Variants in ZNF676 observed in about 807,000 individuals in gnomAD.
The protein encoded by ZNF676 is zinc finger protein 676.
ZNF676 carries 4 observed loss-of-function variants against 6.0 expected under a neutral mutation model. The ratio of observed to expected loss-of-function variants is 0.67; its 90% CI spans 0.33 to 1.53. The LOEUF (loss-of-function observed/expected upper bound fraction) is 1.53, where lower values mean the gene tolerates loss of function less well. ZNF676 is among the 40% of genes most tolerant of loss of function. ZNF676 has a pLI of 0.06. For synonymous variants in ZNF676, 198 were observed against 223.1 expected, an observed-to-expected ratio of 0.89 and a Z score of 1.00; for missense variants, 644 against 679.7, an observed-to-expected ratio of 0.95 and a Z score of 0.58.
chr19:22,215,733 C>T (rs990085692), exon 1 of ZNF676: 37 of 1,483,406 alleles, frequency 2.5e-5, no homozygotes, highest in Admixed American at 2.2e-4. Context: ...ACAGTAAGGA[C>T]AAGGCCTTTA....
the ZNF676 span, among the ~76,000 whole-genome samples, chr19:22,239,199 T>A: frequency 7.9e-6 from 1 of 125,944 alleles, no homozygotes; most frequent in East Asian, 2.2e-4. Context: ...AACTGTGAAT[T>A]TTTTTTTTTT....
chr19:22,202,839 G>A (rs1246551801), intron 1 of ZNF676, among the ~76,000 whole-genome samples: 1 of 152,208 alleles, frequency 6.6e-6, no homozygotes, highest in African/African-American at 2.4e-5. Flanking sequence ...CATGACTAGA[G>A]GTAGTTTTGC....
At chr19:22,197,151 C>T (rs1170831650), upstream of ZNF676, among the ~76,000 whole-genome samples, 3 of 151,752 alleles carry the variant, frequency 2.0e-5, no homozygotes, top group South Asian at 4.2e-4. Flanking sequence ...GGTGAAACCC[C>T]GTCTCTACTA....
rs1183360894 is a variant in ZNF676 at position 22,179,938 on chromosome 19, T to C, written c.*12A>G. On this transcript the variant is annotated 3_prime_UTR_variant, in exon 3 of 3. Coordinates refer to ENST00000397121, the MANE Select transcript of ZNF676 (RefSeq NM_001001411.3). ...AGAATCAGCTGAAGGATTTACCACA[T>C]TCTTCACATTTTTAGGGATTCTCTC... 6.2e-7 allele frequency: 1 copy of C among 1,610,036 alleles called. No individual in the cohort carries two copies. Among genetic ancestry groups the C allele is most frequent in the Admixed American group, 1.7e-5 (1 of 59,736 alleles).
upstream of ZNF676, among the ~76,000 whole-genome samples, chr19:22,216,008 A>T (rs189263340): frequency 2.8e-4 from 42 of 152,362 alleles, no homozygotes; most frequent in East Asian, 7.9e-3. Context: ...AGCATGGGAA[A>T]ATTCTATCTC....
At chr19:22,186,380 G>A (rs541757291) in intron 2 of ZNF676, among the ~76,000 whole-genome samples, 13 of 152,300 alleles carry the variant, frequency 8.5e-5, no homozygotes, top group African/African-American at 2.9e-4. Flanking sequence ...CCTAAAGGAA[G>A]CACTGAACAT....
intron 1 of ZNF676, 38 bp downstream of exon 1, chr19:22,196,562 A>G (rs1429003572): frequency 6.2e-7 from 1 of 1,613,296 alleles, no homozygotes; most frequent in Non-Finnish European, 8.5e-7. Context: ...TGAAACCTGT[A>G]GTATATACTA....
intron 2 of ZNF676, among the ~76,000 whole-genome samples, chr19:22,186,903 A>G (rs1321070917): frequency 6.6e-6 from 1 of 152,184 alleles, no homozygotes; most frequent in Non-Finnish European, 1.5e-5. Flanking sequence ...AAGACCTACA[A>G]AGAAACTTAG....
At chr19:22,226,182 C>T in the ZNF676 span, among the ~76,000 whole-genome samples, 2 of 151,980 alleles carry the variant, frequency 1.3e-5, no homozygotes, top group Non-Finnish European at 2.9e-5. Context: ...TATCTTTTCT[C>T]TATTGTGTGC....
chr19:22,185,351 C>T (rs184249862), intron 2 of ZNF676, among the ~76,000 whole-genome samples: 1 of 152,224 alleles, frequency 6.6e-6, no homozygotes, highest in East Asian at 1.9e-4. Context: ...TACTCAGAGA[C>T]ACCATCCGAA....
chr19:22,200,358 A>G (rs545218242), upstream of ZNF676, among the ~76,000 whole-genome samples: 2 of 152,090 alleles, frequency 1.3e-5, no homozygotes, highest in African/African-American at 4.8e-5. Flanking sequence ...TAGACATCAG[A>G]AACCACAATA....
In ZNF676 at chr19:22,196,929, C is replaced by T; in HGVS notation, c.-296G>A. The T allele has an allele frequency of 1.8e-6, 1 of 559,418 alleles. No individual in the cohort carries two copies. The highest frequency in any genetic ancestry group is 3.1e-6 in the Non-Finnish European group (1 of 320,744). The allele number at this position is 559,418 out of a possible 1,614,324, so 34.7% of individuals were successfully genotyped here. ...TGAGAAAAGAAAGTGGTATAAGATC[C>T]ATAACATCTGTGTATATGTAATATT... On this transcript the variant is annotated 5_prime_UTR_variant, in exon 1 of 3. An upstream start codon of the reference 5' UTR is lost. Coordinates refer to ENST00000397121, the MANE Select transcript of ZNF676 (RefSeq NM_001001411.3).
intron 1 of ZNF676, among the ~76,000 whole-genome samples, chr19:22,204,154 T>C (rs902594405): frequency 6.6e-6 from 1 of 152,188 alleles, no homozygotes; most frequent in Non-Finnish European, 1.5e-5. Context: ...TTTGGTAAAA[T>C]ATATGACACT....
chr19:22,196,835 T>C lies in ZNF676; in HGVS notation c.-202A>G. On this transcript the variant is annotated 5_prime_UTR_variant, in exon 1 of 3. Coordinates refer to ENST00000397121, the MANE Select transcript of ZNF676 (RefSeq NM_001001411.3). ...TAGAGAGAGCTGGTTCTGACTTATA[T>C]GAATGACTGAAATTATTCAATAAAA... 1.0e-6 allele frequency: 1 copy of C among 983,750 alleles called. No individual in the cohort carries two copies. Among genetic ancestry groups the C allele is most frequent in the Non-Finnish European group, 1.5e-6 (1 of 648,868 alleles). 60.9% of individuals were successfully genotyped at this position (983,750 alleles called of 1,614,324 possible).
rs1008929770 is a variant in ZNF676, at chr19:22,211,768, C to T, written c.3+3864G>A. Among the ~76,000 whole-genome samples, 9 of 152,166 alleles carry T rather than the reference C, an allele frequency of 5.9e-5. 1 individual carries two copies. Among genetic ancestry groups the T allele is most frequent in the Admixed American group, 3.9e-4 (6 of 15,272 alleles). On this transcript the variant is annotated intron_variant, in intron 1 of 3. Transcript: ENST00000650058. Reference sequence around the variant, plus strand: ...CTGATGTTTTCACGAATCTATGTAACTCACCAATTATCTACCACATTTTCT... The same window carrying T: ...CTGATGTTTTCACGAATCTATGTAATTCACCAATTATCTACCACATTTTCT...
At chr19:22,234,689 T>A in the ZNF676 span, among the ~76,000 whole-genome samples, 113 of 152,226 alleles carry the variant, frequency 7.4e-4, no homozygotes, top group African/African-American at 2.5e-3. Context: ...ATCCCAGCAC[T>A]TTGGGAAGCC....
At chr19:22,222,679 G>A in the ZNF676 span, among the ~76,000 whole-genome samples, 2 of 151,938 alleles carry the variant, frequency 1.3e-5, no homozygotes, top group Non-Finnish European at 2.9e-5. Context: ...CTTCTGTTGG[G>A]CCCCCATATT....
the ZNF676 span, among the ~76,000 whole-genome samples, chr19:22,252,100 T>C: frequency 6.6e-6 from 1 of 152,074 alleles, no homozygotes; most frequent in African/African-American, 2.4e-5. Context: ...GTAATATTGA[T>C]GCTTTCTCAC....
chr19:22,209,316 T>A, intron 1 of ZNF676, among the ~76,000 whole-genome samples: 1 of 148,644 alleles, frequency 6.7e-6, no homozygotes. Context: ...CATGAAATAC[T>A]GTGTGGCCAT....
Sources: allele counts gnomAD v4.1 joint callset (sites outside exome capture counted in the v4.1 genomes callset), GRCh38; gene constraint gnomAD v4.1.1; transcripts MANE v1.5; gene names NCBI Gene and HGNC (gene_info 2026-07-23, HGNC 2026-07-21).